The following GFOD2 variants were observed in gnomAD, a reference collection of about 807,000 sequenced individuals.
GFOD2 encodes glucose-fructose oxidoreductase domain-containing protein 2.
Under a neutral mutation model 24.6 loss-of-function variants are expected in GFOD2, and 9 were observed. The observed-to-expected ratio is 0.37, with a 90% CI of 0.22 to 0.64. The LOEUF (loss-of-function observed/expected upper bound fraction) is 0.64. Among genes scored for constraint, GFOD2 ranks in the 30% least tolerant of loss-of-function variants. The pLI is 0.65. For synonymous variants in GFOD2, 211 were observed against 224.8 expected (o/e 0.94, Z 0.55); for missense variants, 476 against 532.5 (o/e 0.89, Z 1.04).
At chr16:67,693,992 CT>C (rs879739750) in intron 1 of GFOD2, among the ~76,000 whole-genome samples, 282 of 145,676 alleles carry the variant, frequency 1.9e-3, no homozygotes, top group African/African-American at 2.6e-3. Context: ...TTAGGACATA[CT>C]TTTTTTTTTT....
chr16:67,686,713 G>A (rs2053269713), intron 1 of GFOD2, among the ~76,000 whole-genome samples: 1 of 151,892 alleles, frequency 6.6e-6, no homozygotes, highest in African/African-American at 2.4e-5. Flanking sequence ...GCAGATGCCT[G>A]TAATCCCAGC....
intron 1 of GFOD2, among the ~76,000 whole-genome samples, chr16:67,697,295 A>G (rs1307273319): frequency 1.3e-5 from 2 of 152,212 alleles, no homozygotes; most frequent in African/African-American, 4.8e-5. Flanking sequence ...TTTGTAGAAT[A>G]CTTATAATTG....
chr16:67,683,177 G>T (rs1160890476), intron 2 of GFOD2: 3 of 992,140 alleles, frequency 3.0e-6, no homozygotes, highest in Non-Finnish European at 3.6e-6. Flanking sequence ...GCCCAGCTGA[G>T]AATTCAGTTT....
intron 1 of GFOD2, among the ~76,000 whole-genome samples, chr16:67,699,525 C>T (rs377385242): frequency 6.6e-6 from 1 of 151,998 alleles, no homozygotes; most frequent in South Asian, 2.1e-4. Flanking sequence ...ACTCTGTCAC[C>T]CAGACTGGAA....
chr16:67,686,922 G>T (rs987256876), intron 1 of GFOD2, among the ~76,000 whole-genome samples: 8 of 151,546 alleles, frequency 5.3e-5, no homozygotes, highest in African/African-American at 1.9e-4. Context: ...TGACGTGGGT[G>T]GATCGCTTGA....
intron 1 of GFOD2, among the ~76,000 whole-genome samples, chr16:67,709,699 C>T (rs1295561049): frequency 6.6e-6 from 1 of 152,126 alleles, no homozygotes; most frequent in Non-Finnish European, 1.5e-5. Flanking sequence ...ACTGCAACCT[C>T]TGCCTCCTGG....
Position 67,681,039 on chromosome 16 carries a change from G to A in GFOD2, c.259+4418C>T, listed in dbSNP as rs2053221619. 5 of 985,474 alleles carry A rather than the reference G, an allele frequency of 5.1e-6. No individual in the cohort carries two copies. In the African/African-American group the frequency reaches 8.7e-5, roughly 17 times the overall value. 61.0% of individuals were successfully genotyped at this position (985,474 alleles called of 1,614,324 possible). ...CCTGACTGCTAGCACTACTGCTTCTGGAGGGTCTCCAGTGCTTCTCCACAC... is the reference window on the plus strand; with the variant it reads ...CCTGACTGCTAGCACTACTGCTTCTAGAGGGTCTCCAGTGCTTCTCCACAC... On this transcript the variant is annotated intron_variant, in intron 2 of 2. Coordinates refer to ENST00000268797, the MANE Select transcript of GFOD2 (RefSeq NM_030819.4).
chr16:67,680,692 AG>A, intron 2 of GFOD2: 12 of 981,302 alleles, frequency 1.2e-5, no homozygotes, highest in Non-Finnish European at 1.5e-5. Context: ...TGCTGCAGCA[AG>A]GAACAAGGCA....
chr16:67,708,531 G>A (rs2053453214), intron 1 of GFOD2, among the ~76,000 whole-genome samples: 1 of 152,238 alleles, frequency 6.6e-6, no homozygotes, highest in Non-Finnish European at 1.5e-5. Context: ...TACTGAGGAA[G>A]GGAGGGTTCA....
At chr16:67,681,405 C>G (rs1044670073) in intron 2 of GFOD2, 1 of 985,102 alleles carries the variant, frequency 1.0e-6, no homozygotes, top group African/African-American at 1.7e-5. Context: ...GACCTCTCTT[C>G]TTGAATCTGA....
At chr16:67,683,820 C>T (rs2053245834) in intron 2 of GFOD2, 1 of 1,221,512 alleles carries the variant, frequency 8.2e-7, no homozygotes. Flanking sequence ...GGCACCGGTT[C>T]CTCGACCTAG....
At chr16:67,687,668 A>G (rs1171598395) in intron 1 of GFOD2, among the ~76,000 whole-genome samples, 2 of 147,266 alleles carry the variant, frequency 1.4e-5, no homozygotes, top group African/African-American at 5.0e-5. Context: ...AGAAAAAAAG[A>G]AAAAAAAAAG....
At chr16:67,718,656 C>T (rs963100466) in intron 1 of GFOD2, among the ~76,000 whole-genome samples, 1 of 152,206 alleles carries the variant, frequency 6.6e-6, no homozygotes, top group Non-Finnish European at 1.5e-5. Context: ...GCCACTCGCA[C>T]CTTCTGGGGT....
chr16:67,679,686 A>G (rs2053209949), intron 2 of GFOD2, among the ~76,000 whole-genome samples: 1 of 151,684 alleles, frequency 6.6e-6, no homozygotes, highest in Non-Finnish European at 1.5e-5. Context: ...CAGGGGTTCG[A>G]GACCACCCTG....
chr16:67,694,459 T>G (rs1002469083), intron 1 of GFOD2, among the ~76,000 whole-genome samples: 2 of 151,902 alleles, frequency 1.3e-5, no homozygotes, highest in African/African-American at 4.8e-5. Context: ...AATAAAAAAG[T>G]TTTTTTTAAT....
chr16:67,698,118 G>A (rs182332209), intron 1 of GFOD2, among the ~76,000 whole-genome samples: 4 of 152,262 alleles, frequency 2.6e-5, no homozygotes, highest in African/African-American at 7.2e-5. Context: ...AGAGATCAGC[G>A]AGCAGGAGGA....
intron 1 of GFOD2, among the ~76,000 whole-genome samples, chr16:67,712,205 C>A (rs947526441): frequency 6.6e-6 from 1 of 150,922 alleles, no homozygotes; most frequent in Admixed American, 6.6e-5. Context: ...ATATACTGAG[C>A]TCACCAAAAC....
At position 67,700,277 on chromosome 16, in the gene GFOD2, A is replaced by T. The variant is rs183754285; in HGVS notation, c.-87-14475T>A. On this transcript the variant is annotated intron_variant, in intron 1 of 2. Coordinates refer to ENST00000268797, the MANE Select transcript of GFOD2 (RefSeq NM_030819.4). ...GTAGTCTCAGCTACTTAGGAGGCTG[A>T]GGCAGGAGAACTGCTTGAACCCGGG... Among the ~76,000 whole-genome samples, 381 of 152,166 alleles carry T rather than the reference A, an allele frequency of 2.5e-3. 1 individual carries two copies. The highest frequency in any genetic ancestry group is 4.7e-3 in the Non-Finnish European group (321 of 67,996).
chr16:67,685,568 T>C lies in GFOD2; in HGVS notation c.148A>G (p.Ile50Val). Residue 50 changes from isoleucine to valine, a missense_variant, in exon 2 of 3, where the codon ATC (isoleucine) becomes GTC (valine). By Grantham distance (29) the Ile-to-Val change is conservative (BLOSUM62 3). Coordinates refer to ENST00000268797, the MANE Select transcript of GFOD2 (RefSeq NM_030819.4). ...EAKQLAEEMNIAFYTSRTDDI... is the reference protein window; with the variant it reads ...EAKQLAEEMNVAFYTSRTDDI... ...TCAGTCCGGCTGGTGTAGAAGGCGA[T>C]GTTCATCTCCTCAGCAAGCTGCTTC... 1 of 1,614,134 alleles carries C rather than the reference T, an allele frequency of 6.2e-7. No homozygotes were observed. Among genetic ancestry groups the C allele is most frequent in the Non-Finnish European group, 8.5e-7 (1 of 1,180,026 alleles).
Sources: allele counts gnomAD v4.1 joint callset (sites outside exome capture counted in the v4.1 genomes callset), GRCh38; gene constraint gnomAD v4.1.1; transcripts MANE v1.5; gene names NCBI Gene and HGNC (gene_info 2026-07-23, HGNC 2026-07-21).